Variants in SCAI observed in about 807,000 individuals in gnomAD.
SCAI encodes suppressor of cancer cell invasion.
Under a neutral mutation model 92.2 loss-of-function variants are expected in SCAI, and 24 were observed. The ratio of observed to expected loss-of-function variants is 0.26; its 90% CI spans 0.19 to 0.37. The LOEUF is 0.37. Ranked by LOEUF, SCAI falls within the 10% of genes least tolerant of loss-of-function variation. SCAI has a pLI of 1.00. For missense variants in SCAI, 450 were observed against 736.2 expected, an observed-to-expected ratio of 0.61 and a Z score of 4.50; for synonymous variants, 261 against 258.6, an observed-to-expected ratio of 1.01 and a Z score of -0.09.
intron 2 of SCAI, among the ~76,000 whole-genome samples, chr9:125,085,853 G>GA (rs1007687344): frequency 1.4e-4 from 22 of 152,152 alleles, no homozygotes; most frequent in African/African-American, 5.3e-4. Flanking sequence ...TGATAATGAT[G>GA]ATACCATAAA....
chr9:125,129,454 C>CTTTTT (rs1171739834), intron 2 of SCAI, among the ~76,000 whole-genome samples: 1 of 67,558 alleles, frequency 1.5e-5, no homozygotes, highest in Non-Finnish European at 2.6e-5. Flanking sequence ...ATTAGAATTT[C>CTTTTT]TTTTTTTTTT....
At chr9:125,115,597 A>C (rs1310064985) in intron 2 of SCAI, among the ~76,000 whole-genome samples, 1 of 152,148 alleles carries the variant, frequency 6.6e-6, no homozygotes, top group African/African-American at 2.4e-5. Flanking sequence ...GAATGAATAA[A>C]GCAAACTAAA....
chr9:125,028,656 T>C (rs1430511793), intron 4 of SCAI, among the ~76,000 whole-genome samples, 178 bp from the exon 5 acceptor site: 1 of 152,188 alleles, frequency 6.6e-6, no homozygotes, highest in Non-Finnish European at 1.5e-5. Context: ...TGTCTATTTA[T>C]AAGTTGAAAT....
At chr9:125,111,258 G>T (rs929060313) in intron 2 of SCAI, among the ~76,000 whole-genome samples, 5 of 151,144 alleles carry the variant, frequency 3.3e-5, no homozygotes, top group African/African-American at 1.2e-4. Flanking sequence ...GAAAAAAAGA[G>T]AAAGAAAAAA....
At chr9:125,099,202 A>C (rs1360332489) in intron 2 of SCAI, among the ~76,000 whole-genome samples, 14 of 152,222 alleles carry the variant, frequency 9.2e-5, no homozygotes, top group Non-Finnish European at 1.5e-5. Context: ...AAAATAGAGA[A>C]AATATATATG....
chr9:124,956,810 C>G (rs960485897), intron 17 of SCAI, among the ~76,000 whole-genome samples: 5 of 152,096 alleles, frequency 3.3e-5, no homozygotes, highest in Non-Finnish European at 7.4e-5. Flanking sequence ...GAAGACCTAG[C>G]CCTGATATAA....
chr9:125,039,956 A>G (rs1267031755), intron 3 of SCAI, among the ~76,000 whole-genome samples: 3 of 152,208 alleles, frequency 2.0e-5, no homozygotes, highest in African/African-American at 4.8e-5. Context: ...TGAAAATAAT[A>G]AAAGTCTCTA....
At chr9:125,096,878 A>G (rs1834564115) in intron 2 of SCAI, among the ~76,000 whole-genome samples, 2 of 152,242 alleles carry the variant, frequency 1.3e-5, no homozygotes, top group African/African-American at 4.8e-5. Flanking sequence ...ATTCACTTAA[A>G]GTATTGCATG....
At chr9:125,050,235 T>A (rs767621045) in intron 3 of SCAI, among the ~76,000 whole-genome samples, 2 of 152,068 alleles carry the variant, frequency 1.3e-5, no homozygotes, top group Non-Finnish European at 2.9e-5. Flanking sequence ...TTCTTCTCTA[T>A]AAGGGCCATA....
At chr9:125,075,259 T>A (rs1351589334) in intron 2 of SCAI, among the ~76,000 whole-genome samples, 1 of 152,174 alleles carries the variant, frequency 6.6e-6, no homozygotes, top group Admixed American at 6.5e-5. Context: ...TGTACTTTCA[T>A]TTAAATCACC....
chr9:125,055,597 A>G (rs112172566), intron 3 of SCAI, among the ~76,000 whole-genome samples: 16 of 152,330 alleles, frequency 1.1e-4, no homozygotes, highest in African/African-American at 3.1e-4. Context: ...AATGTGCAAA[A>G]CCAGATTAAA....
chr9:125,037,619 T>C (rs1833226573), intron 3 of SCAI, among the ~76,000 whole-genome samples: 2 of 152,094 alleles, frequency 1.3e-5, no homozygotes, highest in African/African-American at 4.8e-5. Context: ...AAGGGTTTTA[T>C]AGAAGAATTT....
chr9:125,119,989 A>G (rs1248672048), intron 2 of SCAI, among the ~76,000 whole-genome samples: 2 of 152,188 alleles, frequency 1.3e-5, no homozygotes, highest in Non-Finnish European at 2.9e-5. Context: ...TTAGAAATCC[A>G]TGGCATTTTT....
chr9:125,121,514 T>C (rs545220524), intron 2 of SCAI, among the ~76,000 whole-genome samples: 1 of 152,040 alleles, frequency 6.6e-6, no homozygotes, highest in South Asian at 2.1e-4. Context: ...TAATTTAATC[T>C]AGTGGTTTCC....
chr9:125,085,591 T>C (rs966439299), intron 2 of SCAI, among the ~76,000 whole-genome samples: 19 of 152,198 alleles, frequency 1.2e-4, no homozygotes, highest in African/African-American at 4.6e-4. Flanking sequence ...GGGAAGCCAA[T>C]GCAGGAGGAT....
chr9:125,112,144 T>A (rs1444564967), intron 2 of SCAI, among the ~76,000 whole-genome samples: 1 of 152,062 alleles, frequency 6.6e-6, no homozygotes. Context: ...TTCAGAAGGG[T>A]CATGTCACAT....
At chr9:125,135,967 CA>C (rs1467186619) in intron 2 of SCAI, among the ~76,000 whole-genome samples, 1 of 79,486 alleles carries the variant, frequency 1.3e-5, no homozygotes, top group Non-Finnish European at 2.4e-5. Context: ...AACTCCATCT[CA>C]AACAAAAAAA....
intron 12 of SCAI, among the ~76,000 whole-genome samples, chr9:125,001,476 C>G (rs1429741950): frequency 1.3e-5 from 2 of 152,112 alleles, no homozygotes; most frequent in Non-Finnish European, 2.9e-5. Context: ...AAATAAAGGA[C>G]AGAAAACAAA....
intron 13 of SCAI, among the ~76,000 whole-genome samples, chr9:124,998,580 T>C (rs1457013361): frequency 6.6e-6 from 1 of 152,254 alleles, no homozygotes. Flanking sequence ...TAGTGTTCTA[T>C]ACCACTGTAG....
Sources: allele counts gnomAD v4.1 joint callset (sites outside exome capture counted in the v4.1 genomes callset), GRCh38; gene constraint gnomAD v4.1.1; transcripts MANE v1.5; gene names NCBI Gene and HGNC (gene_info 2026-07-23, HGNC 2026-07-21).